ELMOD2: variants seen among roughly 807,000 people sequenced by gnomAD.
The protein encoded by ELMOD2 is ELMO domain containing 2.
Under a neutral mutation model 41.0 loss-of-function variants are expected in ELMOD2, and 28 were observed. The ratio of observed to expected loss-of-function variants is 0.68; its 90% CI spans 0.51 to 0.94. The LOEUF is 0.94. Ranked by LOEUF, ELMOD2 falls within the 40% of genes least tolerant of loss-of-function variation. ELMOD2 has a pLI of 0.00. For synonymous variants in ELMOD2, 106 were observed against 107.2 expected (o/e 0.99, Z 0.07); for missense variants, 333 against 343.1 (o/e 0.97, Z 0.23).
chr4:140,540,204 G>C lies in ELMOD2; in HGVS notation c.436G>C (p.Ala146Pro), dbSNP rs371278428. 6.2e-7 allele frequency: 1 copy of C among 1,613,992 alleles called. No homozygotes were observed. The highest frequency in any genetic ancestry group is 8.5e-7 in the Non-Finnish European group (1 of 1,180,004). The change falls in exon 6 of 9, where the codon GCT (alanine) becomes CCT (proline). Residue 146 changes from alanine (A) to proline (P), a missense_variant. Coordinates refer to ENST00000323570, the MANE Select transcript of ELMOD2 (RefSeq NM_153702.4). ...TCTAATGCCCACGAAGAAGTTAAACGCTAGAATCTCCAAGCAGTGGGCTGA... is the reference window on the plus strand; with the variant it reads ...TCTAATGCCCACGAAGAAGTTAAACCCTAGAATCTCCAAGCAGTGGGCTGA... ...NLLMPTKKLN[A>P]RISKQWAEIG...
chr4:140,535,780 T>C lies in ELMOD2; in HGVS notation c.219T>C (p.Tyr73=). 3 of 1,611,362 alleles carry C rather than the reference T, an allele frequency of 1.9e-6. No individual in the cohort carries two copies. The highest frequency in any genetic ancestry group is 1.7e-6 in the Non-Finnish European group (2 of 1,179,256). ...TTGTTCAGAGTGAAGTGGACAAATA[T>C]GTAGATGATATTATGAAGGAAAAGA... ...THVVQSEVDK[Y]VDDIMKEKNI... is the part of the protein sequence containing the mutation. Residue 73 remains tyrosine (Y), a synonymous_variant, in exon 4 of 9, where the codon TAT becomes TAC. Transcript: ENST00000323570.
At chr4:140,525,177 A>G (rs900852432) in intron 1 of ELMOD2, 11 of 336,444 alleles carry the variant, frequency 3.3e-5, no homozygotes, top group Admixed American at 4.8e-5. Flanking sequence ...AAGCCATTGA[A>G]TAGTTTGAGT....
At chr4:140,546,157 T>A (rs1355758979) in intron 8 of ELMOD2, among the ~76,000 whole-genome samples, 1 of 152,078 alleles carries the variant, frequency 6.6e-6, no homozygotes, top group African/African-American at 2.4e-5. Context: ...TATGCAGCCA[T>A]AAAAAATGAT....
chr4:140,540,182 A>C lies in ELMOD2; in HGVS notation c.414A>C (p.Leu138=). 6.2e-7 allele frequency: 1 copy of C among 1,614,112 alleles called. No individual in the cohort carries two copies. The highest frequency in any genetic ancestry group is 8.5e-7 in the Non-Finnish European group (1 of 1,180,002). ...TATTTGTACAGCTTTGGAATCTTCT[A>C]ATGCCCACGAAGAAGTTAAACGCTA... is the stretch of plus-strand genomic sequence containing the variant. ...EELLMKLWNL[L]MPTKKLNARI... The change falls in exon 6 of 9, where the codon CTA becomes CTC. Residue 138 remains leucine, a synonymous_variant. Transcript: ENST00000323570.
chr4:140,525,370 A>G, intron 1 of ELMOD2, 50 bp from the exon 2 acceptor site: 1 of 1,548,812 alleles, frequency 6.5e-7, no homozygotes, highest in Non-Finnish European at 8.7e-7. Context: ...TTAAATTTTA[A>G]AATTCAGTTT....
chr4:140,527,143 G>T (rs1416413274), intron 2 of ELMOD2, among the ~76,000 whole-genome samples: 2 of 152,072 alleles, frequency 1.3e-5, no homozygotes, highest in African/African-American at 4.8e-5. Flanking sequence ...TGAGTTTCTG[G>T]GACCTGAGCT....
At chr4:140,542,990 A>G (rs956895613) in intron 7 of ELMOD2, among the ~76,000 whole-genome samples, 2 of 151,954 alleles carry the variant, frequency 1.3e-5, no homozygotes, top group African/African-American at 2.4e-5. Flanking sequence ...GTGAAATTCA[A>G]ACTGAGGTGG....
At chr4:140,534,123 G>A (rs1410063929) in intron 3 of ELMOD2, among the ~76,000 whole-genome samples, 1 of 152,078 alleles carries the variant, frequency 6.6e-6, no homozygotes. Context: ...ATAAAGTATG[G>A]TCCCAAACTG....
intron 8 of ELMOD2, among the ~76,000 whole-genome samples, chr4:140,545,267 C>T (rs1735238298): frequency 2.6e-5 from 4 of 152,092 alleles, no homozygotes; most frequent in Non-Finnish European, 5.9e-5. Flanking sequence ...GCCACATTCT[C>T]CTGGCTTTTC....
intron 2 of ELMOD2, among the ~76,000 whole-genome samples, chr4:140,525,879 T>A (rs1045276971): frequency 1.3e-5 from 2 of 152,252 alleles, no homozygotes; most frequent in African/African-American, 4.8e-5. Context: ...CCTTTGAAAT[T>A]TTCACTCACA....
At position 140,550,628 on chromosome 4, in the gene ELMOD2, G is replaced by A. The variant is rs890190176; in HGVS notation, c.*253G>A. The A allele has an allele frequency of 4.9e-5, 12 of 244,944 alleles. No homozygotes were observed. Among genetic ancestry groups the A allele is most frequent in the African/African-American group, 2.7e-4 (12 of 44,284 alleles). 15.2% of individuals were successfully genotyped at this position (244,944 alleles called of 1,614,324 possible). ...ATGCGAACTACAGTTTGGAACTTGGGACTTAGCCCGTTGGTGTAAAAGTAT... is the reference window on the plus strand; with the variant it reads ...ATGCGAACTACAGTTTGGAACTTGGAACTTAGCCCGTTGGTGTAAAAGTAT... On this transcript the variant is annotated 3_prime_UTR_variant, in exon 9 of 9. Transcript: ENST00000323570.
intron 6 of ELMOD2, among the ~76,000 whole-genome samples, chr4:140,541,347 A>G (rs569662690): frequency 2.0e-5 from 3 of 152,240 alleles, no homozygotes; most frequent in East Asian, 1.9e-4. Context: ...TTGTTTACAG[A>G]TGTTTATTTT....
rs115125247 is a variant in ELMOD2, at chr4:140,526,995, T to C, written c.143-471T>C. Among the ~76,000 whole-genome samples, 232 of 152,362 alleles carry C rather than the reference T, an allele frequency of 1.5e-3. 3 individuals carry two copies. The highest frequency in any genetic ancestry group is 5.4e-3 in the African/African-American group (224 of 41,580). ...ACCAGGAATGGAGAAGCTATTTGTC[T>C]GGTGACAGAAGGGTTGACCAGATAA... On this transcript the variant is annotated intron_variant, in intron 2 of 8. Transcript: ENST00000323570.
chr4:140,544,668 A>G (rs1342452594), intron 8 of ELMOD2, among the ~76,000 whole-genome samples: 4 of 151,962 alleles, frequency 2.6e-5, no homozygotes, highest in African/African-American at 9.7e-5. Context: ...TCACCCCCAC[A>G]GACTCTATAG....
rs570492286 is a variant in ELMOD2, at chr4:140,548,803, T to G, written c.737-1427T>G. Among the ~76,000 whole-genome samples, 5 of 152,310 alleles carry G rather than the reference T, an allele frequency of 3.3e-5. No individual in the cohort carries two copies. The South Asian group carries it at 1.0e-3, about 32-fold the overall frequency. On this transcript the variant is annotated intron_variant, in intron 8 of 8. Transcript: ENST00000323570. ...TTTAAAAAATAATTCAATAAATACA[T>G]TTGATTACATACAAAGTAGGACTGG...
rs1735523516 is a variant in ELMOD2, at chr4:140,553,520, A to G, written c.*3145A>G. Reference sequence around the variant, plus strand: ...GGTTTTTTTCTGTATTCATTTTTTAATGAGAAAAGTTTTAAATGTAGTACA... The same window carrying G: ...GGTTTTTTTCTGTATTCATTTTTTAGTGAGAAAAGTTTTAAATGTAGTACA... On this transcript the variant is annotated 3_prime_UTR_variant, in exon 9 of 9. Coordinates refer to ENST00000323570, the MANE Select transcript of ELMOD2 (RefSeq NM_153702.4). 1 of 152,102 alleles carries G rather than the reference A, an allele frequency of 6.6e-6. No individual in the cohort carries two copies. 9.4% of individuals were successfully genotyped at this position (152,102 alleles called of 1,614,324 possible).
chr4:140,526,607 C>T (rs1168983196), intron 2 of ELMOD2: 1 of 152,050 alleles, frequency 6.6e-6, no homozygotes, highest in Non-Finnish European at 1.5e-5. Context: ...GCAAATGGAA[C>T]CTGTATCCAA....
At chr4:140,527,704 C>T (rs1388554137) in intron 3 of ELMOD2, 4 of 506,656 alleles carry the variant, frequency 7.9e-6, no homozygotes, top group Non-Finnish European at 1.1e-5. Context: ...ATAATTTGTC[C>T]TGTCCTGAGG....
chr4:140,531,571 G>A (rs1007959903), intron 3 of ELMOD2, among the ~76,000 whole-genome samples: 15 of 152,148 alleles, frequency 9.9e-5, no homozygotes, highest in African/African-American at 3.4e-4. Flanking sequence ...TGCAGCTGCC[G>A]TCTTAGGGTT....
Sources: allele counts gnomAD v4.1 joint callset (sites outside exome capture counted in the v4.1 genomes callset), GRCh38; gene constraint gnomAD v4.1.1; transcripts MANE v1.5; gene names NCBI Gene and HGNC (gene_info 2026-07-23, HGNC 2026-07-21).